Variants in SLC35F1 observed in about 807,000 individuals in gnomAD.
The protein encoded by SLC35F1 is solute carrier family 35 member F1.
In SLC35F1, 14 loss-of-function variants were observed where a neutral mutation model predicts 48.7. That is an observed-to-expected ratio of 0.29 (90% CI 0.19 to 0.45). SLC35F1 has a LOEUF of 0.45. Among genes scored for constraint, SLC35F1 ranks in the 20% least tolerant of loss-of-function variants. The probability of loss-of-function intolerance (pLI) is 1.00; values close to 1 mark genes in which losing one functional copy is unlikely to be tolerated. For synonymous variants in SLC35F1, 190 were observed against 202.2 expected, an observed-to-expected ratio of 0.94 and a Z score of 0.51; for missense variants, 404 against 500.0, an observed-to-expected ratio of 0.81 and a Z score of 1.83.
chr6:118,205,860 G>C (rs1774929413), intron 2 of SLC35F1, among the ~76,000 whole-genome samples: 1 of 152,110 alleles, frequency 6.6e-6, no homozygotes, highest in Non-Finnish European at 1.5e-5. Flanking sequence ...AAAATATTAT[G>C]CTAAGTGAAA....
chr6:118,103,765 G>A lies in SLC35F1; in HGVS notation c.174-50680G>A, dbSNP rs1380214854. Among the ~76,000 whole-genome samples, 7 of 152,250 alleles carry A rather than the reference G, an allele frequency of 4.6e-5. No individual in the cohort carries two copies. In the East Asian group the frequency reaches 5.8e-4, roughly 13 times the overall value. On this transcript the variant is annotated intron_variant, in intron 1 of 7. Coordinates refer to ENST00000360388, the MANE Select transcript of SLC35F1 (RefSeq NM_001029858.4). The stretch of plus-strand genomic sequence containing the variant: ...GACCCAATAGATCTGGGTTTGCCTC[G>A]TTTACTGTTGCAGCTTTTCTAAACC...
intron 2 of SLC35F1, among the ~76,000 whole-genome samples, chr6:118,177,024 T>C (rs536551786): frequency 5.3e-5 from 8 of 152,268 alleles, no homozygotes; most frequent in African/African-American, 1.7e-4. Context: ...TGTTAAAAGT[T>C]ATTTGCCTGA....
rs1775933793 is a variant in SLC35F1 at position 118,277,609 on chromosome 6, T to C, written c.847+63T>C. ...CCTGAGAAATGTGTTTGAAGAATGA[T>C]GTGGGTCGGGTGGAGCACAAACAAG... On this transcript the variant is annotated intron_variant, in intron 6 of 7. Coordinates refer to ENST00000360388, the MANE Select transcript of SLC35F1 (RefSeq NM_001029858.4). 2.7e-6 allele frequency: 4 copies of C among 1,459,732 alleles called. No individual in the cohort carries two copies. The African/African-American group carries it at 5.6e-5, about 20-fold the overall frequency. 90.4% of individuals were successfully genotyped at this position (1,459,732 alleles called of 1,614,324 possible). A position where few individuals can be genotyped will look rare whatever the true frequency, so the allele number is the denominator to read the frequency against.
intron 1 of SLC35F1, among the ~76,000 whole-genome samples, chr6:118,004,445 G>T (rs114776958): frequency 1.1e-3 from 173 of 152,254 alleles, no homozygotes; most frequent in African/African-American, 3.9e-3. Flanking sequence ...TGTAAACAAT[G>T]TACTAACCAT....
At chr6:118,293,962 T>C (rs1475429429) in intron 7 of SLC35F1, among the ~76,000 whole-genome samples, 1 of 152,230 alleles carries the variant, frequency 6.6e-6, no homozygotes, top group African/African-American at 2.4e-5. Context: ...GGCTTCTGTG[T>C]ATGCTTTAAG....
At chr6:118,247,355 T>C (rs1458357126) in intron 3 of SLC35F1, among the ~76,000 whole-genome samples, 1 of 152,160 alleles carries the variant, frequency 6.6e-6, no homozygotes, top group Non-Finnish European at 1.5e-5. Context: ...ATGACGCTGC[T>C]GCTAGATAGG....
intron 3 of SLC35F1, among the ~76,000 whole-genome samples, chr6:118,250,111 A>G (rs956019212): frequency 7.2e-5 from 11 of 152,194 alleles, no homozygotes; most frequent in Non-Finnish European, 1.3e-4. Context: ...TGCAATGAGC[A>G]CCTCAAGACT....
At chr6:118,177,610 A>G (rs1774509427) in intron 2 of SLC35F1, among the ~76,000 whole-genome samples, 1 of 152,060 alleles carries the variant, frequency 6.6e-6, no homozygotes, top group South Asian at 2.1e-4. Context: ...GGCCTCTTCT[A>G]TGTATTGGCC....
intron 1 of SLC35F1, among the ~76,000 whole-genome samples, chr6:118,018,231 C>T (rs767062292): frequency 3.9e-5 from 6 of 151,916 alleles, no homozygotes; most frequent in East Asian, 1.9e-4. Flanking sequence ...ATTAGCAGGG[C>T]GCAGTGGCAG....
In SLC35F1 at chr6:118,297,622, T is replaced by TTATATAATATATA. The variant is rs1294028315; in HGVS notation, c.1002+12290_1002+12291insATATATATATATA. Among the ~76,000 whole-genome samples the TTATATAATATATA allele has an allele frequency of 9.4e-4, 91 of 96,924 alleles. 2 individuals are homozygous for TTATATAATATATA. The highest frequency in any genetic ancestry group is 3.9e-3 in the African/African-American group (87 of 22,344). The allele number at this position is 96,924 out of a possible 152,430, so 63.6% of individuals were successfully genotyped here. A position where few individuals can be genotyped will look rare whatever the true frequency, so the allele number is the denominator to read the frequency against. On this transcript the variant is annotated intron_variant, in intron 7 of 7. Transcript: ENST00000360388. ...CTAAGTTGCATTTTTTTCTCAGAAC[T>TTATATAATATATA]TATATATATATATATAAAAAATATA...
At chr6:118,128,009 CAGACACTTCTCAAAAGA>C (rs1304643628) in intron 1 of SLC35F1, among the ~76,000 whole-genome samples, 1 of 151,784 alleles carries the variant, frequency 6.6e-6, no homozygotes, top group Non-Finnish European at 1.5e-5. Context: ...AGGATATGAA[CAGACACTTCTCAAAAGA>C]AGACATTTAT....
At chr6:118,130,266 C>A (rs908512387) in intron 1 of SLC35F1, among the ~76,000 whole-genome samples, 3 of 152,110 alleles carry the variant, frequency 2.0e-5, no homozygotes, top group African/African-American at 7.2e-5. Flanking sequence ...GGCATGATTT[C>A]AATAAATTTT....
chr6:117,944,120 T>A (rs1776265550), intron 1 of SLC35F1, among the ~76,000 whole-genome samples: 2 of 152,362 alleles, frequency 1.3e-5, no homozygotes, highest in African/African-American at 4.8e-5. Flanking sequence ...TTTTCTGTAA[T>A]TATATTTGAT....
At chr6:118,231,374 T>A (rs1469493072) in intron 2 of SLC35F1, among the ~76,000 whole-genome samples, 4 of 152,166 alleles carry the variant, frequency 2.6e-5, no homozygotes, top group Admixed American at 6.5e-5. Context: ...TTCTTATAGA[T>A]GGCCCTGTTT....
chr6:118,139,214 G>A (rs554657002), intron 1 of SLC35F1, among the ~76,000 whole-genome samples: 4 of 152,226 alleles, frequency 2.6e-5, no homozygotes, highest in African/African-American at 7.2e-5. Flanking sequence ...CCGGGTTCAC[G>A]CCATTCTCTT....
At chr6:118,133,068 G>T (rs1470180254) in intron 1 of SLC35F1, among the ~76,000 whole-genome samples, 23 of 152,094 alleles carry the variant, frequency 1.5e-4, no homozygotes, top group Admixed American at 1.5e-3. Context: ...TGTCTGGAAA[G>T]GCTCTAACTC....
chr6:118,223,919 G>A (rs905047722), intron 2 of SLC35F1, among the ~76,000 whole-genome samples: 10 of 152,246 alleles, frequency 6.6e-5, no homozygotes, highest in Middle Eastern at 3.4e-3. Context: ...CCCTTACATC[G>A]TGCGTCATTA....
intron 3 of SLC35F1, among the ~76,000 whole-genome samples, chr6:118,239,084 C>T (rs370668973): frequency 1.3e-5 from 2 of 151,458 alleles, no homozygotes; most frequent in Admixed American, 6.6e-5. Context: ...TCTCGTCTCC[C>T]GAGGTGCTTT....
chr6:118,069,577 G>C (rs1201238848), intron 1 of SLC35F1, among the ~76,000 whole-genome samples: 2 of 152,140 alleles, frequency 1.3e-5, no homozygotes, highest in African/African-American at 4.8e-5. Context: ...AAATTTGACA[G>C]TTTTATGAGA....
Sources: gnomAD v4.1 joint callset for allele counts (sites outside exome capture counted in the v4.1 genomes callset) on GRCh38, gnomAD v4.1.1 for gene constraint, MANE v1.5 for transcripts, NCBI Gene and HGNC (gene_info 2026-07-23, HGNC 2026-07-21) for gene names.